KCNJ6: variants seen among roughly 807,000 people sequenced by gnomAD.
The protein encoded by KCNJ6 is potassium inwardly rectifying channel subfamily J member 6.
In KCNJ6, 9 loss-of-function variants were observed where a neutral mutation model predicts 34.2. That is an observed-to-expected ratio of 0.26 (90% CI 0.16 to 0.46). The LOEUF (loss-of-function observed/expected upper bound fraction) is 0.46, where lower values mean the gene tolerates loss of function less well. Ranked by LOEUF, KCNJ6 falls within the 20% of genes least tolerant of loss-of-function variation. The probability of loss-of-function intolerance (pLI) is 1.00; values close to 1 mark genes in which losing one functional copy is unlikely to be tolerated. For synonymous variants in KCNJ6, 196 were observed against 207.1 expected, an observed-to-expected ratio of 0.95 and a Z score of 0.46; for missense variants, 236 against 531.3, an observed-to-expected ratio of 0.44 and a Z score of 5.46.
chr21:37,681,058 G>A (rs1187901063), intron 3 of KCNJ6, among the ~76,000 whole-genome samples: 2 of 152,256 alleles, frequency 1.3e-5, no homozygotes, highest in African/African-American at 4.8e-5. Flanking sequence ...CACTGGGCCT[G>A]AGGATCATGT....
chr21:37,768,624 T>C (rs1366490312), intron 2 of KCNJ6, among the ~76,000 whole-genome samples: 1 of 152,232 alleles, frequency 6.6e-6, no homozygotes, highest in Non-Finnish European at 1.5e-5. Context: ...CAAGAGGTAC[T>C]GTGTTATGAG....
chr21:37,822,541 G>C (rs1203026187), intron 2 of KCNJ6, among the ~76,000 whole-genome samples: 1 of 152,184 alleles, frequency 6.6e-6, no homozygotes, highest in African/African-American at 2.4e-5. Flanking sequence ...GAAATTATCT[G>C]TCAAAAGAAA....
At chr21:37,772,813 T>C (rs1238485898) in intron 2 of KCNJ6, among the ~76,000 whole-genome samples, 1 of 152,228 alleles carries the variant, frequency 6.6e-6, no homozygotes, top group African/African-American at 2.4e-5. Context: ...ATATGTAATT[T>C]ACAAGTTTCA....
chr21:37,650,007 C>T (rs1033136762), intron 3 of KCNJ6, among the ~76,000 whole-genome samples: 4 of 151,908 alleles, frequency 2.6e-5, no homozygotes, highest in Non-Finnish European at 5.9e-5. Flanking sequence ...TTGTGATTCA[C>T]CCACCTCAGC....
At position 37,623,243 on chromosome 21, in the gene KCNJ6, A is replaced by T. The variant is rs2054295950; in HGVS notation, c.*1916T>A. 1 of 152,246 alleles carries T rather than the reference A, an allele frequency of 6.6e-6. No individual in the cohort carries two copies. Among genetic ancestry groups the T allele is most frequent in the Non-Finnish European group, 1.5e-5 (1 of 68,082 alleles). 9.4% of individuals were successfully genotyped at this position (152,246 alleles called of 1,614,324 possible). A position where few individuals can be genotyped will look rare whatever the true frequency, so the allele number is the denominator to read the frequency against. ...GGCCCCGAGGTTATATTTAGGAGCC[A>T]CTTTCCTTATCCTGGGACTTCTTTT... is the stretch of plus-strand genomic sequence containing the variant. On this transcript the variant is annotated 3_prime_UTR_variant, in exon 4 of 4. Coordinates refer to ENST00000609713, the MANE Select transcript of KCNJ6 (RefSeq NM_002240.5).
At chr21:37,628,390 T>G (rs1163183179) in intron 3 of KCNJ6, among the ~76,000 whole-genome samples, 1 of 152,100 alleles carries the variant, frequency 6.6e-6, no homozygotes, top group African/African-American at 2.4e-5. Flanking sequence ...GTAAAAAGTA[T>G]AATAAATGAA....
intron 3 of KCNJ6, among the ~76,000 whole-genome samples, chr21:37,632,893 A>G (rs565925129): frequency 6.6e-6 from 1 of 152,184 alleles, no homozygotes; most frequent in Admixed American, 6.5e-5. Flanking sequence ...AATCTTAAAG[A>G]TGAGTTCAAT....
intron 2 of KCNJ6, among the ~76,000 whole-genome samples, chr21:37,759,331 G>C (rs558637429): frequency 6.6e-6 from 1 of 152,276 alleles, no homozygotes; most frequent in African/African-American, 2.4e-5. Context: ...ATGAATGGCG[G>C]GACTGCACTG....
At chr21:37,793,818 A>C (rs1017856513) in intron 2 of KCNJ6, among the ~76,000 whole-genome samples, 3 of 152,254 alleles carry the variant, frequency 2.0e-5, no homozygotes, top group Non-Finnish European at 4.4e-5. Context: ...AGCTTCTGCA[A>C]GGGCCGGTGC....
intron 2 of KCNJ6, among the ~76,000 whole-genome samples, chr21:37,773,519 C>G (rs894983958): frequency 1.3e-5 from 2 of 152,172 alleles, no homozygotes; most frequent in South Asian, 2.1e-4. Context: ...TCACCTCCCC[C>G]TTTCCTCCCC....
intron 2 of KCNJ6, among the ~76,000 whole-genome samples, chr21:37,727,611 TAAGG>T (rs2054861813): frequency 1.3e-5 from 2 of 152,254 alleles, no homozygotes; most frequent in South Asian, 4.1e-4. Flanking sequence ...GAGCCGGTTA[TAAGG>T]AAGAGGGATA....
At chr21:37,767,706 GAATACTACAA>G (rs764899811) in intron 2 of KCNJ6, among the ~76,000 whole-genome samples, 4 of 152,218 alleles carry the variant, frequency 2.6e-5, no homozygotes, top group Non-Finnish European at 5.9e-5. Context: ...GTTATATTGT[GAATACTACAA>G]AATACTGAAG....
intron 2 of KCNJ6, among the ~76,000 whole-genome samples, chr21:37,755,380 G>A (rs2055018979): frequency 6.6e-6 from 1 of 152,186 alleles, no homozygotes; most frequent in African/African-American, 2.4e-5. Flanking sequence ...TGGGATAGAA[G>A]GCTCTTTCCT....
chr21:37,863,846 G>GTTTTTTTTTTTTTTTTTTTTTTTT lies in KCNJ6; in HGVS notation c.-27-23138_-27-23137insAAAAAAAAAAAAAAAAAAAAAAAA, dbSNP rs772060420. Among the ~76,000 whole-genome samples the GTTTTTTTTTTTTTTTTTTTTTTTT allele has an allele frequency of 7.2e-5, 7 of 97,066 alleles. 2 individuals carry two copies. The highest frequency in any genetic ancestry group is 2.6e-4 in the African/African-American group (6 of 23,088). 63.7% of individuals were successfully genotyped at this position (97,066 alleles called of 152,430 possible). On this transcript the variant is annotated intron_variant, in intron 1 of 3. Coordinates refer to ENST00000609713, the MANE Select transcript of KCNJ6 (RefSeq NM_002240.5). ...CTTTAAGCAATTTTAAAATATAAAG[G>GTTTTTTTTTTTTTTTTTTTTTTTT]TTTTTTTTTTTTTGTTTTTTTTTTT...
At position 37,750,262 on chromosome 21, in the gene KCNJ6, C is replaced by T. The variant is rs545308138; in HGVS notation, c.26-35131G>A. Reference sequence around the variant, plus strand: ...TGGAGAGGATGTGGAGAAACAGGAACGCTTTTACACTGTTGGTGGCAGTGT... The same window carrying T: ...TGGAGAGGATGTGGAGAAACAGGAATGCTTTTACACTGTTGGTGGCAGTGT... On this transcript the variant is annotated intron_variant, in intron 2 of 3. Transcript: ENST00000609713. Among the ~76,000 whole-genome samples the T allele has an allele frequency of 8.3e-4, 126 of 152,300 alleles. 1 individual carries two copies. Among genetic ancestry groups the T allele is most frequent in the South Asian group, 4.1e-4 (2 of 4,826 alleles).
At chr21:37,768,120 TC>T (rs1450782873) in intron 2 of KCNJ6, among the ~76,000 whole-genome samples, 1 of 150,696 alleles carries the variant, frequency 6.6e-6, no homozygotes, top group Admixed American at 6.6e-5. Context: ...GTGTGAGTCA[TC>T]TTGAGCTGTC....
chr21:37,741,539 TG>T (rs1485826352), intron 2 of KCNJ6, among the ~76,000 whole-genome samples: 1 of 152,224 alleles, frequency 6.6e-6, no homozygotes, highest in African/African-American at 2.4e-5. Context: ...AGGGTTGTGA[TG>T]GCTCTAGATG....
intron 2 of KCNJ6, among the ~76,000 whole-genome samples, chr21:37,783,895 A>G (rs1239244471): frequency 6.6e-6 from 1 of 152,218 alleles, no homozygotes; most frequent in Non-Finnish European, 1.5e-5. Context: ...TGCACCGAAG[A>G]AAGACCATGA....
intron 3 of KCNJ6, among the ~76,000 whole-genome samples, chr21:37,648,041 A>G (rs980580346): frequency 2.0e-5 from 3 of 152,192 alleles, no homozygotes; most frequent in Admixed American, 6.5e-5. Context: ...AGGCTGCAGG[A>G]AGCCTTTCCA....
Sources: allele counts gnomAD v4.1 joint callset (sites outside exome capture counted in the v4.1 genomes callset), GRCh38; gene constraint gnomAD v4.1.1; transcripts MANE v1.5; gene names NCBI Gene and HGNC (gene_info 2026-07-23, HGNC 2026-07-21).